The following CDH2 variants were observed in gnomAD, a reference collection of about 807,000 sequenced individuals.
CDH2 encodes the protein cadherin-2.
CDH2 carries 17 observed loss-of-function variants against 92.0 expected under a neutral mutation model. The observed-to-expected ratio is 0.18, with a 90% confidence interval of 0.13 to 0.28. CDH2 has a LOEUF of 0.28. Ranked by LOEUF, CDH2 falls within the 10% of genes least tolerant of loss-of-function variation. The probability of loss-of-function intolerance (pLI) is 1.00; values close to 1 mark genes in which losing one functional copy is unlikely to be tolerated. For missense variants in CDH2, 862 were observed against 1,133.1 expected (o/e 0.76, Z 3.44); for synonymous variants, 419 against 415.9 (o/e 1.01, Z -0.09).
At chr18:27,958,709 TGTA>T (rs926967300) in intron 15 of CDH2, among the ~76,000 whole-genome samples, 18 of 152,270 alleles carry the variant, frequency 1.2e-4, no homozygotes, top group African/African-American at 4.3e-4. Flanking sequence ...CATCTTGAAT[TGTA>T]GTTCCATATT....
At chr18:27,990,069 C>A in intron 10 of CDH2, 28 bp downstream of exon 10, 1 of 1,604,784 alleles carries the variant, frequency 6.2e-7, no homozygotes, top group Non-Finnish European at 8.5e-7. Flanking sequence ...AAGTAAGCTA[C>A]AAAAACACTA....
intron 2 of CDH2, among the ~76,000 whole-genome samples, chr18:28,085,422 G>C (rs17446386): frequency 3.9e-5 from 6 of 151,990 alleles, no homozygotes; most frequent in South Asian, 4.2e-4. Context: ...CTGCACACGC[G>C]TGATTTTCCA....
intron 1 of CDH2, among the ~76,000 whole-genome samples, chr18:28,176,436 AT>A (rs1338278470): frequency 6.6e-6 from 1 of 152,154 alleles, no homozygotes; most frequent in African/African-American, 2.4e-5. Context: ...GATAAAGACA[AT>A]AGGACAGTAG....
At chr18:28,154,512 T>C (rs1318612034) in intron 1 of CDH2, among the ~76,000 whole-genome samples, 1 of 152,244 alleles carries the variant, frequency 6.6e-6, no homozygotes, top group Non-Finnish European at 1.5e-5. Context: ...AGAAGTGTAA[T>C]AGGAGTTGAG....
At chr18:28,157,005 G>A (rs894210923) in intron 1 of CDH2, among the ~76,000 whole-genome samples, 1 of 152,196 alleles carries the variant, frequency 6.6e-6, no homozygotes, top group African/African-American at 2.4e-5. Flanking sequence ...TCAAAAGATA[G>A]ACAGGAGCTT....
At chr18:28,143,809 T>C (rs1598505194) in intron 2 of CDH2, among the ~76,000 whole-genome samples, 1 of 152,008 alleles carries the variant, frequency 6.6e-6, no homozygotes. Context: ...TGAAATACTA[T>C]GCAGCCATAA....
At chr18:28,032,133 C>T (rs941184743) in intron 2 of CDH2, among the ~76,000 whole-genome samples, 4 of 152,116 alleles carry the variant, frequency 2.6e-5, no homozygotes, top group African/African-American at 9.7e-5. Flanking sequence ...ACAGTCTGAG[C>T]TCTGACTATG....
intron 7 of CDH2, among the ~76,000 whole-genome samples, chr18:27,994,813 A>G (rs1232740516): frequency 6.6e-6 from 1 of 152,102 alleles, no homozygotes; most frequent in Non-Finnish European, 1.5e-5. Context: ...TAGGAAGGAA[A>G]GCCAAACCGC....
At chr18:28,023,020 T>A (rs1356795424) in intron 2 of CDH2, among the ~76,000 whole-genome samples, 4 of 152,148 alleles carry the variant, frequency 2.6e-5, no homozygotes, top group Non-Finnish European at 4.4e-5. Context: ...TGTATTTTTT[T>A]AATTAACTCT....
intron 1 of CDH2, among the ~76,000 whole-genome samples, chr18:28,158,664 A>G (rs1210379728): frequency 1.3e-5 from 2 of 152,212 alleles, no homozygotes; most frequent in East Asian, 3.9e-4. Flanking sequence ...CTCTCAGGGA[A>G]TCTACAAAAT....
chr18:28,147,776 T>A lies in CDH2; in HGVS notation c.69A>T (p.Val23=). The A allele has an allele frequency of 6.3e-7, 1 of 1,589,990 alleles. No individual in the cohort carries two copies. Among genetic ancestry groups the A allele is most frequent in the Non-Finnish European group, 8.6e-7 (1 of 1,165,326 alleles). The change falls in exon 2 of 16, where the codon GTA becomes GTT. Residue 23 remains valine (V), a synonymous_variant. Transcript: ENST00000269141. ...PLLAALLQAS[V]EASGEIALCK... is the part of the protein sequence containing the mutation. ...ATAATGCGATTTCACCAGAAGCCTC[T>A]ACAGACGCCTGCAACACAAGAAAAA...
At chr18:28,110,773 T>C (rs553049931) in intron 2 of CDH2, among the ~76,000 whole-genome samples, 1 of 152,176 alleles carries the variant, frequency 6.6e-6, no homozygotes, top group South Asian at 2.1e-4. Context: ...CACCTATATC[T>C]ATATAGGCTG....
chr18:28,083,938 T>C (rs542442149), intron 2 of CDH2, among the ~76,000 whole-genome samples: 1 of 152,302 alleles, frequency 6.6e-6, no homozygotes, highest in Non-Finnish European at 1.5e-5. Context: ...TAATGAGTTC[T>C]ACCTCTCTCT....
intron 2 of CDH2, among the ~76,000 whole-genome samples, chr18:28,093,047 C>T (rs966672009): frequency 7.2e-5 from 11 of 151,910 alleles, no homozygotes; most frequent in African/African-American, 1.7e-4. Flanking sequence ...GGCAACAGAG[C>T]GGTTGGACAT....
intron 9 of CDH2, among the ~76,000 whole-genome samples, chr18:27,991,938 T>A (rs978138809): frequency 6.6e-6 from 1 of 152,214 alleles, no homozygotes; most frequent in African/African-American, 2.4e-5. Flanking sequence ...TTAACAGGCT[T>A]TTCCATTATA....
At chr18:28,108,769 A>C (rs2015362356) in intron 2 of CDH2, among the ~76,000 whole-genome samples, 1 of 149,244 alleles carries the variant, frequency 6.7e-6, no homozygotes, top group Admixed American at 6.6e-5. Context: ...AAAAACATAG[A>C]TGTACCTAAA....
chr18:28,026,481 C>T (rs147972253), intron 2 of CDH2, among the ~76,000 whole-genome samples: 1 of 152,208 alleles, frequency 6.6e-6, no homozygotes, highest in East Asian at 1.9e-4. Flanking sequence ...AGGGATCACA[C>T]CAGAATGACA....
At chr18:28,172,356 A>C (rs1015518675) in intron 1 of CDH2, among the ~76,000 whole-genome samples, 1 of 152,190 alleles carries the variant, frequency 6.6e-6, no homozygotes, top group East Asian at 1.9e-4. Context: ...CATGCAGAAG[A>C]TATAGCTCTT....
chr18:28,121,216 G>A (rs147269946), intron 2 of CDH2, among the ~76,000 whole-genome samples: 195 of 152,176 alleles, frequency 1.3e-3, no homozygotes, highest in African/African-American at 4.4e-3. Flanking sequence ...AATTGTCCAA[G>A]AGATCATTAC....
Sources: gnomAD v4.1 joint callset for allele counts (sites outside exome capture counted in the v4.1 genomes callset) on GRCh38, gnomAD v4.1.1 for gene constraint, MANE v1.5 for transcripts, NCBI Gene and HGNC (gene_info 2026-07-23, HGNC 2026-07-21) for gene names.